The following AP2B1 variants were observed in gnomAD, a reference collection of about 807,000 sequenced individuals.
AP2B1 encodes AP-2 complex subunit beta.
Under a neutral mutation model 102.0 loss-of-function variants are expected in AP2B1, and 23 were observed. The observed-to-expected ratio is 0.23, with a 90% CI of 0.16 to 0.32. The LOEUF is 0.32. Ranked by LOEUF, AP2B1 falls within the 10% of genes least tolerant of loss-of-function variation. The pLI is 1.00. For missense variants in AP2B1, 541 were observed against 1,157.4 expected (o/e 0.47, Z 7.73); for synonymous variants, 381 against 421.2 (o/e 0.90, Z 1.17).
intron 14 of AP2B1, chr17:35,660,078 A>T: frequency 1.0e-6 from 1 of 985,032 alleles, no homozygotes; most frequent in South Asian, 4.7e-5. Flanking sequence ...CTTGCCTTAC[A>T]GAGTGCTTCT....
chr17:35,617,868 C>A (rs2074068623), intron 5 of AP2B1, among the ~76,000 whole-genome samples: 1 of 152,152 alleles, frequency 6.6e-6, no homozygotes. Flanking sequence ...TGGTTATAGG[C>A]ATGCCTTTTA....
chr17:35,682,414 C>T (rs1396888520), intron 17 of AP2B1, among the ~76,000 whole-genome samples: 2 of 137,420 alleles, frequency 1.5e-5, no homozygotes, highest in African/African-American at 2.8e-5. Flanking sequence ...GCGATCTCGG[C>T]TCACTACAAC....
intron 9 of AP2B1, 42 bp from the exon 10 acceptor site, chr17:35,636,299 A>G (rs2074605298): frequency 6.9e-7 from 1 of 1,439,916 alleles, no homozygotes; most frequent in Non-Finnish European, 9.7e-7. Flanking sequence ...GTGTTATCGC[A>G]TAGATCATCT....
chr17:35,719,217 A>G (rs781844619), intron 21 of AP2B1, among the ~76,000 whole-genome samples: 29 of 152,204 alleles, frequency 1.9e-4, no homozygotes, highest in Non-Finnish European at 3.8e-4. Context: ...AAACTAAACT[A>G]TAGACATTAT....
intron 18 of AP2B1, among the ~76,000 whole-genome samples, chr17:35,694,149 C>A (rs2076093568): frequency 6.6e-6 from 1 of 152,162 alleles, no homozygotes; most frequent in South Asian, 2.1e-4. Flanking sequence ...TCTTCTATGA[C>A]ATATTAAATT....
intron 20 of AP2B1, among the ~76,000 whole-genome samples, chr17:35,716,170 A>AAT (rs2143011055): frequency 6.6e-6 from 1 of 152,334 alleles, no homozygotes; most frequent in South Asian, 2.1e-4. Context: ...AGCACAATAG[A>AAT]ATATGACAGA....
At chr17:35,702,181 G>A (rs587621186) in intron 18 of AP2B1, among the ~76,000 whole-genome samples, 1 of 152,298 alleles carries the variant, frequency 6.6e-6, no homozygotes, top group East Asian at 1.9e-4. Flanking sequence ...AGATGGTAGG[G>A]AGGACAGTGG....
At chr17:35,709,778 C>T (rs966693924) in intron 19 of AP2B1, among the ~76,000 whole-genome samples, 1 of 151,988 alleles carries the variant, frequency 6.6e-6, no homozygotes, top group Non-Finnish European at 1.5e-5. Flanking sequence ...TGTAATAAAC[C>T]GTCAGAACTC....
At chr17:35,663,686 CAG>C (rs1450688275) in intron 14 of AP2B1, among the ~76,000 whole-genome samples, 2 of 152,138 alleles carry the variant, frequency 1.3e-5, no homozygotes, top group African/African-American at 4.8e-5. Flanking sequence ...ATAATGTAAA[CAG>C]AATATACACT....
intron 9 of AP2B1, among the ~76,000 whole-genome samples, chr17:35,628,369 A>G (rs1397582653): frequency 6.6e-6 from 1 of 152,194 alleles, no homozygotes; most frequent in African/African-American, 2.4e-5. Flanking sequence ...TGGGAGGCCA[A>G]GGTGAGAGGA....
At chr17:35,626,899 A>T in intron 7 of AP2B1, 57 bp downstream of exon 7, 1 of 1,457,876 alleles carries the variant, frequency 6.9e-7, no homozygotes, top group Non-Finnish European at 9.6e-7. Context: ...TAAGCTTAAT[A>T]ATGTCAATGT....
chr17:35,655,506 C>T (rs1331388638), intron 13 of AP2B1, among the ~76,000 whole-genome samples: 1 of 152,086 alleles, frequency 6.6e-6, no homozygotes, highest in South Asian at 2.1e-4. Flanking sequence ...GTAGTTTGCT[C>T]CTTTTTATTG....
Position 35,723,928 on chromosome 17 carries a change from C to G in AP2B1, c.*229C>G. The G allele has an allele frequency of 2.2e-6, 1 of 449,790 alleles. No homozygotes were observed. The highest frequency in any genetic ancestry group is 4.0e-6 in the Non-Finnish European group (1 of 248,118). The allele number at this position is 449,790 out of a possible 1,614,324, so 27.9% of individuals were successfully genotyped here. A position where few individuals can be genotyped will look rare whatever the true frequency, so the allele number is the denominator to read the frequency against. On this transcript the variant is annotated 3_prime_UTR_variant, in exon 22 of 22. Coordinates refer to ENST00000610402, the MANE Select transcript of AP2B1 (RefSeq NM_001030006.2). ...GTCACCTCCCACCTCTTGCCACCTGCTGCTGCTATCTGTCCTTACTTGTGG... is the reference window on the plus strand; with the variant it reads ...GTCACCTCCCACCTCTTGCCACCTGGTGCTGCTATCTGTCCTTACTTGTGG...
chr17:35,683,921 A>C (rs985480768), intron 18 of AP2B1, among the ~76,000 whole-genome samples: 1 of 152,256 alleles, frequency 6.6e-6, no homozygotes, highest in Non-Finnish European at 1.5e-5. Flanking sequence ...ATTTCTGAGC[A>C]GGGTTCTGGG....
chr17:35,618,464 C>T (rs148126351), intron 5 of AP2B1, among the ~76,000 whole-genome samples: 241 of 152,282 alleles, frequency 1.6e-3, no homozygotes, highest in Non-Finnish European at 2.7e-3. Context: ...TAAATCTGTT[C>T]ATAGTGTGTG....
chr17:35,660,439 G>A (rs900204951), intron 14 of AP2B1, among the ~76,000 whole-genome samples: 3 of 151,262 alleles, frequency 2.0e-5, no homozygotes, highest in African/African-American at 7.3e-5. Context: ...TGTTTGAACT[G>A]TAGCTACCTA....
At chr17:35,660,101 T>C (rs1362656704) in intron 14 of AP2B1, 6 of 981,014 alleles carry the variant, frequency 6.1e-6, no homozygotes, top group Admixed American at 6.2e-5. Flanking sequence ...AAATAAATTA[T>C]ATACCTTGAA....
In AP2B1 at chr17:35,720,573, A is replaced by ATTTT. The variant is rs1208973388; in HGVS notation, c.2782-3028_2782-3025dup. Among the ~76,000 whole-genome samples the ATTTT allele has an allele frequency of 2.0e-3, 57 of 28,046 alleles. 1 individual carries two copies. The highest frequency in any genetic ancestry group is 6.2e-3 in the East Asian group (5 of 802). The allele number at this position is 28,046 out of a possible 152,430, so 18.4% of individuals were successfully genotyped here. A position where few individuals can be genotyped will look rare whatever the true frequency, so the allele number is the denominator to read the frequency against. On this transcript the variant is annotated intron_variant, in intron 21 of 21. Transcript: ENST00000610402. ...TATATATATATATATATATATATATATTTTTTTTTTTTTTTTTTTTTTTTT... is the reference window on the plus strand; with the variant it reads ...TATATATATATATATATATATATATATTTTTTTTTTTTTTTTTTTTTTTTTTTTT...
chr17:35,654,525 C>T (rs906740343), intron 13 of AP2B1, among the ~76,000 whole-genome samples: 1 of 152,120 alleles, frequency 6.6e-6, no homozygotes, highest in Non-Finnish European at 1.5e-5. Context: ...TGAGGTGGCT[C>T]AAATATTTTA....
Sources: allele counts gnomAD v4.1 joint callset (sites outside exome capture counted in the v4.1 genomes callset), GRCh38; gene constraint gnomAD v4.1.1; transcripts MANE v1.5; gene names NCBI Gene and HGNC (gene_info 2026-07-23, HGNC 2026-07-21).